The following TUT4 variants were observed in gnomAD, a reference collection of about 807,000 sequenced individuals.
TUT4 encodes the protein terminal uridylyl transferase 4.
TUT4 carries 36 observed loss-of-function variants against 192.2 expected under a neutral mutation model. The observed-to-expected ratio is 0.19, with a 90% CI of 0.14 to 0.25. TUT4 has a LOEUF of 0.25. TUT4 is among the 10% of genes least tolerant of loss of function. The pLI, the probability that TUT4 is intolerant of heterozygous loss-of-function variation, is 1.00. For synonymous variants in TUT4, 618 were observed against 666.0 expected, an observed-to-expected ratio of 0.93 and a Z score of 1.11; for missense variants, 1,493 against 1,957.2, an observed-to-expected ratio of 0.76 and a Z score of 4.47.
chr1:52,517,036 C>A (rs981842584), intron 2 of TUT4, among the ~76,000 whole-genome samples: 9 of 152,218 alleles, frequency 5.9e-5, no homozygotes, highest in African/African-American at 2.2e-4. Flanking sequence ...ACCAAAGCTG[C>A]TTCAAGTCTC....
chr1:52,466,104 T>G (rs746345905), intron 15 of TUT4, among the ~76,000 whole-genome samples: 4 of 152,168 alleles, frequency 2.6e-5, no homozygotes, highest in Non-Finnish European at 5.9e-5. Context: ...CTTTCAAAAC[T>G]TCATACCCCC....
chr1:52,507,059 A>G (rs1675788661), intron 4 of TUT4, among the ~76,000 whole-genome samples: 1 of 152,142 alleles, frequency 6.6e-6, no homozygotes, highest in African/African-American at 2.4e-5. Context: ...TGAGTACTCT[A>G]CCCAGTGTCC....
chr1:52,472,241 A>C, intron 13 of TUT4, 139 bp from the exon 14 acceptor site: 1 of 870,292 alleles, frequency 1.1e-6, no homozygotes, highest in Non-Finnish European at 1.7e-6. Context: ...AAAAAAAAAC[A>C]TGTTGTTAAA....
chr1:52,498,905 TATATATATATA>T (rs1673265371), intron 4 of TUT4, among the ~76,000 whole-genome samples: 16 of 2,014 alleles, frequency 7.9e-3, no homozygotes, highest in African/African-American at 0.011. Flanking sequence ...AAAAAAATTA[TATATATATATA>T]TATATATATA....
intron 9 of TUT4, among the ~76,000 whole-genome samples, chr1:52,485,916 T>C (rs1669676480): frequency 6.6e-6 from 1 of 152,064 alleles, no homozygotes; most frequent in Non-Finnish European, 1.5e-5. Flanking sequence ...ACAATGAAGA[T>C]TTAGGATAAT....
intron 9 of TUT4, among the ~76,000 whole-genome samples, chr1:52,485,648 G>C (rs1468794610): frequency 6.6e-6 from 1 of 151,278 alleles, no homozygotes; most frequent in African/African-American, 2.5e-5. Context: ...GTTTCTGTTA[G>C]GGAGAACATG....
At chr1:52,526,655 T>G (rs1235989196) in intron 1 of TUT4, among the ~76,000 whole-genome samples, 2 of 152,170 alleles carry the variant, frequency 1.3e-5, no homozygotes, top group Non-Finnish European at 2.9e-5. Context: ...CTTTAAGAAT[T>G]TCAATAGAAA....
chr1:52,524,777 T>C (rs1035011889), intron 2 of TUT4, among the ~76,000 whole-genome samples: 3 of 152,178 alleles, frequency 2.0e-5, no homozygotes, highest in African/African-American at 7.2e-5. Flanking sequence ...CACTCCAGCC[T>C]GGGCAACACA....
intron 4 of TUT4, among the ~76,000 whole-genome samples, chr1:52,506,466 A>AT (rs1227511014): frequency 1.3e-5 from 2 of 152,136 alleles, no homozygotes; most frequent in Non-Finnish European, 2.9e-5. Flanking sequence ...ATATTGATCA[A>AT]TTATCCAGAG....
chr1:52,531,171 A>G (rs922287383), intron 1 of TUT4, among the ~76,000 whole-genome samples: 1 of 152,196 alleles, frequency 6.6e-6, no homozygotes, highest in African/African-American at 2.4e-5. Flanking sequence ...TGGGTATTAA[A>G]TGAAATTCTA....
intron 28 of TUT4, 147 bp from the exon 29 acceptor site, chr1:52,425,654 G>A: frequency 1.1e-6 from 1 of 951,286 alleles, no homozygotes; most frequent in South Asian, 2.1e-5. Context: ...CTTTTTTAAA[G>A]AATAAAGCAT....
intron 1 of TUT4, among the ~76,000 whole-genome samples, chr1:52,549,327 AT>A (rs1688839454): frequency 1.3e-5 from 2 of 152,106 alleles, no homozygotes; most frequent in Admixed American, 6.6e-5. Context: ...CATTCTATCC[AT>A]ATCAATTCCT....
rs374890280 is a variant in TUT4 at position 52,477,714 on chromosome 1, T to C, written c.2017A>G (p.Ile673Val). ...ATACAACATATCATCTCACCTTCAA[T>C]GGCTATTCGCCTTTTAGGCCAGTTT... Reference protein sequence around the residue: ...NKNWPKRRIAIEDPFSVKRNV... With the variant: ...NKNWPKRRIAVEDPFSVKRNV... The change falls in exon 12 of 30, where the codon ATT (isoleucine) becomes GTT (valine). Residue 673 changes from isoleucine (I) to valine (V), a missense_variant. Physicochemically the swap from Ile to Val is conservative, Grantham distance 29 (BLOSUM62 3). Around this residue, in one of 7 missense-constraint regions of TUT4, gnomAD observed 437 missense variants for 577.6 expected, o/e 0.76. Transcript: ENST00000257177. The C allele has an allele frequency of 3.0e-5, 49 of 1,608,176 alleles. No homozygotes were observed. Among genetic ancestry groups the C allele is most frequent in the Non-Finnish European group, 3.7e-5 (44 of 1,177,954 alleles).
chr1:52,450,585 G>A (rs138087722), intron 20 of TUT4, among the ~76,000 whole-genome samples: 129 of 152,250 alleles, frequency 8.5e-4, no homozygotes, highest in Non-Finnish European at 1.7e-3. Context: ...AGCAAGCACT[G>A]TTTATGAATG....
At chr1:52,548,701 T>C (rs1456893101) in intron 1 of TUT4, among the ~76,000 whole-genome samples, 1 of 152,230 alleles carries the variant, frequency 6.6e-6, no homozygotes, top group Non-Finnish European at 1.5e-5. Context: ...TCTATTATCA[T>C]TGTAAATCAA....
At chr1:52,429,829 A>G (rs552355031) in intron 28 of TUT4, among the ~76,000 whole-genome samples, 1 of 152,190 alleles carries the variant, frequency 6.6e-6, no homozygotes, top group South Asian at 2.1e-4. Context: ...CCTGGCCTCA[A>G]CTGATCTGCC....
At chr1:52,533,234 G>C (rs565788699) in intron 1 of TUT4, among the ~76,000 whole-genome samples, 1 of 152,176 alleles carries the variant, frequency 6.6e-6, no homozygotes, top group African/African-American at 2.4e-5. Flanking sequence ...ACTATTATAT[G>C]AGAAAGGAAT....
chr1:52,493,830 G>C (rs1671799059), intron 6 of TUT4, among the ~76,000 whole-genome samples, 168 bp from the exon 7 acceptor site: 1 of 150,726 alleles, frequency 6.6e-6, no homozygotes, highest in South Asian at 2.1e-4. Flanking sequence ...TTTGAGATGA[G>C]GTTTCCCTGT....
intron 20 of TUT4, among the ~76,000 whole-genome samples, chr1:52,453,449 C>G (rs1660029155): frequency 6.6e-6 from 1 of 150,436 alleles, no homozygotes; most frequent in South Asian, 2.1e-4. Flanking sequence ...TAACCCATCA[C>G]ATCAACAGGC....
Sources: allele counts gnomAD v4.1 joint callset (sites outside exome capture counted in the v4.1 genomes callset), GRCh38; gene constraint gnomAD v4.1.1; regional missense constraint gnomAD v4.1.1; transcripts MANE v1.5; gene names NCBI Gene and HGNC (gene_info 2026-07-23, HGNC 2026-07-21).